The following JAZF1 variants were observed in gnomAD, a reference collection of about 807,000 sequenced individuals.
JAZF1 encodes the protein JAZF zinc finger 1, also known as juxtaposed with another zinc finger protein 1.
A neutral mutation model predicts 26.4 loss-of-function variants in JAZF1; 8 were observed. The ratio of observed to expected loss-of-function variants is 0.30; its 90% CI spans 0.18 to 0.55. The LOEUF is 0.55. JAZF1 is among the 20% of genes least tolerant of loss of function. The pLI is 0.94. For synonymous variants in JAZF1, 126 were observed against 122.3 expected, an observed-to-expected ratio of 1.03 and a Z score of -0.20; for missense variants, 199 against 322.0, an observed-to-expected ratio of 0.62 and a Z score of 2.92.
intron 1 of JAZF1, among the ~76,000 whole-genome samples, chr7:28,004,902 C>A (rs995119438): frequency 6.6e-6 from 1 of 152,216 alleles, no homozygotes; most frequent in South Asian, 2.1e-4. Context: ...ATTTGCCCAC[C>A]TCAGCCTCCC....
intron 2 of JAZF1, among the ~76,000 whole-genome samples, chr7:27,956,321 C>T (rs186319773): frequency 6.6e-6 from 1 of 152,246 alleles, no homozygotes; most frequent in African/African-American, 2.4e-5. Flanking sequence ...GGGTCCGGAC[C>T]TTTGACTCAA....
intron 1 of JAZF1, among the ~76,000 whole-genome samples, chr7:28,085,638 T>A (rs1004696877): frequency 2.6e-5 from 4 of 152,218 alleles, no homozygotes; most frequent in Non-Finnish European, 4.4e-5. Flanking sequence ...GTTGACATCA[T>A]GTTAACTATT....
intron 3 of JAZF1, among the ~76,000 whole-genome samples, chr7:27,881,044 G>A (rs751947469): frequency 1.3e-5 from 2 of 152,166 alleles, no homozygotes; most frequent in Non-Finnish European, 2.9e-5. Context: ...TTATGTTTCT[G>A]TAATGCATAT....
At chr7:28,152,423 G>C (rs576265710) in intron 1 of JAZF1, among the ~76,000 whole-genome samples, 2 of 152,254 alleles carry the variant, frequency 1.3e-5, no homozygotes, top group South Asian at 4.1e-4. Context: ...CTGGCCCTCT[G>C]ACCCACTCCA....
intron 1 of JAZF1, among the ~76,000 whole-genome samples, chr7:28,175,680 G>A (rs1783539509): frequency 6.6e-6 from 1 of 152,190 alleles, no homozygotes. Context: ...TCTAAAGGAG[G>A]AAACAGAGTC....
intron 2 of JAZF1, among the ~76,000 whole-genome samples, chr7:27,928,131 T>C (rs1388377019): frequency 6.6e-6 from 1 of 152,198 alleles, no homozygotes; most frequent in African/African-American, 2.4e-5. Context: ...TCAGATTATT[T>C]TGAACAGAGG....
At chr7:28,124,349 A>C (rs760027623) in intron 1 of JAZF1, among the ~76,000 whole-genome samples, 1 of 152,186 alleles carries the variant, frequency 6.6e-6, no homozygotes, top group Non-Finnish European at 1.5e-5. Context: ...CTGTGAAAAA[A>C]ATACATTTCT....
At chr7:27,844,188 A>ATT (rs1782976231) in intron 3 of JAZF1, 1 of 152,194 alleles carries the variant, frequency 6.6e-6, no homozygotes, top group Non-Finnish European at 1.5e-5. Flanking sequence ...CCTGCAGAAA[A>ATT]CTTTTGAGGC....
chr7:28,076,806 A>G (rs1784058627), intron 1 of JAZF1, among the ~76,000 whole-genome samples: 2 of 152,136 alleles, frequency 1.3e-5, no homozygotes, highest in African/African-American at 4.8e-5. Flanking sequence ...ATATATATTT[A>G]GAATTTTTTA....
chr7:27,958,029 T>G (rs1468281270), intron 2 of JAZF1, among the ~76,000 whole-genome samples: 1 of 152,120 alleles, frequency 6.6e-6, no homozygotes, highest in Non-Finnish European at 1.5e-5. Context: ...GAGAGAGAAC[T>G]GGAAATTATT....
At chr7:27,941,472 C>G (rs982124424) in intron 2 of JAZF1, among the ~76,000 whole-genome samples, 2 of 152,174 alleles carry the variant, frequency 1.3e-5, no homozygotes, top group African/African-American at 4.8e-5. Flanking sequence ...GATAAATTAT[C>G]TGACTCAAGT....
At chr7:27,872,386 C>T (rs1479175650) in intron 3 of JAZF1, among the ~76,000 whole-genome samples, 5 of 152,276 alleles carry the variant, frequency 3.3e-5, no homozygotes, top group East Asian at 3.9e-4. Flanking sequence ...TATAAAACGT[C>T]GAACAGACCC....
chr7:28,066,034 A>G (rs997936368), intron 1 of JAZF1, among the ~76,000 whole-genome samples: 4 of 152,212 alleles, frequency 2.6e-5, no homozygotes, highest in African/African-American at 9.7e-5. Context: ...GGAACTCACT[A>G]GTGCTATCTC....
rs1215667093 is a variant in JAZF1 at position 27,832,857 on chromosome 7, G to A, written c.675C>T (p.His225=). ...ACACCGGGGGATGGAAATTGATTGT[G>A]TGGTGCCGCAGGCCCTGAGCTGTCT... ...SYKTAQGLRH[H]TINFHPPVSA... Residue 225 remains histidine (H), a synonymous_variant, in exon 5 of 5, where the codon CAC becomes CAT. Coordinates refer to ENST00000283928, the MANE Select transcript of JAZF1 (RefSeq NM_175061.4). 2 of 1,611,334 alleles carry A rather than the reference G, an allele frequency of 1.2e-6. No individual in the cohort carries two copies. Among genetic ancestry groups the A allele is most frequent in the Admixed American group, 3.4e-5 (2 of 59,292 alleles).
intron 1 of JAZF1, among the ~76,000 whole-genome samples, chr7:28,000,288 G>GA (rs1786116962): frequency 6.6e-6 from 1 of 152,166 alleles, no homozygotes; most frequent in African/African-American, 2.4e-5. Flanking sequence ...CAACTGGAGG[G>GA]AGGGTTCCAG....
chr7:28,056,299 T>G (rs547353672), intron 1 of JAZF1, among the ~76,000 whole-genome samples: 1 of 151,966 alleles, frequency 6.6e-6, no homozygotes, highest in Non-Finnish European at 1.5e-5. Flanking sequence ...TCATACCACA[T>G]GTACATGACA....
chr7:27,988,264 T>C (rs1447115374), intron 2 of JAZF1, among the ~76,000 whole-genome samples: 2 of 152,286 alleles, frequency 1.3e-5, no homozygotes, highest in East Asian at 1.9e-4. Flanking sequence ...ACAATCCCTG[T>C]TGGATATTTA....
intron 1 of JAZF1, among the ~76,000 whole-genome samples, chr7:28,015,595 AT>A (rs1438749715): frequency 6.6e-6 from 1 of 152,202 alleles, no homozygotes; most frequent in East Asian, 1.9e-4. Flanking sequence ...TATTTTCTGT[AT>A]GTTTAAAATA....
intron 1 of JAZF1, among the ~76,000 whole-genome samples, chr7:28,132,025 C>T (rs1782802772): frequency 6.6e-6 from 1 of 152,112 alleles, no homozygotes. Flanking sequence ...ATCCTACTAC[C>T]CTCATGATCA....
Sources: gnomAD v4.1 joint callset for allele counts (sites outside exome capture counted in the v4.1 genomes callset) on GRCh38, gnomAD v4.1.1 for gene constraint, MANE v1.5 for transcripts, NCBI Gene and HGNC (gene_info 2026-07-23, HGNC 2026-07-21) for gene names.